The following INTS8 variants were observed in gnomAD, a reference collection of about 807,000 sequenced individuals.
The protein encoded by INTS8 is protein kaonashi-1.
In INTS8, 47 loss-of-function variants were observed where a neutral mutation model predicts 138.9. That is an observed-to-expected ratio of 0.34 (90% CI 0.27 to 0.43). INTS8 has a LOEUF of 0.43. INTS8 is among the 20% of genes least tolerant of loss of function. INTS8 has a pLI of 1.00. For missense variants in INTS8, 996 were observed against 1,173.0 expected, an observed-to-expected ratio of 0.85 and a Z score of 2.20; for synonymous variants, 392 against 400.9, an observed-to-expected ratio of 0.98 and a Z score of 0.27.
At chr8:94,863,414 A>T (rs189960358) in intron 16 of INTS8, among the ~76,000 whole-genome samples, 1 of 152,302 alleles carries the variant, frequency 6.6e-6, no homozygotes, top group East Asian at 1.9e-4. Context: ...GATTTCTCTG[A>T]TGCTTTCCCA....
intron 12 of INTS8, among the ~76,000 whole-genome samples, chr8:94,850,353 C>T (rs1207669309): frequency 6.6e-6 from 1 of 152,196 alleles, no homozygotes; most frequent in Non-Finnish European, 1.5e-5. Flanking sequence ...TGGCTCACGC[C>T]TGTAATCCCA....
chr8:94,879,539 G>C (rs1409359451), intron 26 of INTS8, among the ~76,000 whole-genome samples: 1 of 151,216 alleles, frequency 6.6e-6, no homozygotes, highest in African/African-American at 2.4e-5. Flanking sequence ...AGGCTGTAGT[G>C]AGCTGAGATC....
chr8:94,856,195 A>T (rs1815739258), intron 14 of INTS8, among the ~76,000 whole-genome samples: 1 of 152,254 alleles, frequency 6.6e-6, no homozygotes, highest in Non-Finnish European at 1.5e-5. Flanking sequence ...AGTAGATTGG[A>T]CAATTAAAAG....
At chr8:94,846,605 T>C (rs989697584) in intron 10 of INTS8, among the ~76,000 whole-genome samples, 1 of 152,196 alleles carries the variant, frequency 6.6e-6, no homozygotes, top group African/African-American at 2.4e-5. Context: ...TGCTGGCTAT[T>C]ACCTCCAGTA....
At chr8:94,832,464 T>A (rs1017533955) in intron 6 of INTS8, among the ~76,000 whole-genome samples, 1 of 152,188 alleles carries the variant, frequency 6.6e-6, no homozygotes, top group African/African-American at 2.4e-5. Flanking sequence ...AGTTCTTTCA[T>A]ATTATCAGAA....
intron 6 of INTS8, 63 bp downstream of exon 6, chr8:94,832,237 C>T (rs1814747444): frequency 8.7e-7 from 1 of 1,151,828 alleles, no homozygotes; most frequent in Admixed American, 2.2e-5. Context: ...ATGAGATCAT[C>T]CTCCTATTTT....
rs771277697 is a variant in INTS8, at chr8:94,824,907, C to G, written c.145C>G (p.Gln49Glu). 13 of 1,608,038 alleles carry G rather than the reference C, an allele frequency of 8.1e-6. No homozygotes were observed. The highest frequency in any genetic ancestry group is 1.0e-5 in the Non-Finnish European group (12 of 1,176,538). ...TTAAACCCTAGATCCTGCACCAGTT[C>G]AACTTATAGTTCAGTTTTTGGAACA... ...RKPCPDPAPVQLIVQFLEQAS... is the reference protein window; with the variant it reads ...RKPCPDPAPVELIVQFLEQAS... Residue 49 changes from glutamine to glutamate, a missense_variant, in exon 2 of 27, where the codon CAA becomes GAA. Transcript: ENST00000523731.
At chr8:94,847,229 A>G (rs1172798678) in intron 10 of INTS8, among the ~76,000 whole-genome samples, 2 of 151,978 alleles carry the variant, frequency 1.3e-5, no homozygotes, top group Admixed American at 1.3e-4. Context: ...TTTATTAGAG[A>G]CGGGGTTTTA....
At chr8:94,841,097 G>C (rs1326891632) in intron 8 of INTS8, among the ~76,000 whole-genome samples, 1 of 151,790 alleles carries the variant, frequency 6.6e-6, no homozygotes, top group Admixed American at 6.6e-5. Context: ...ATTTTTAGTA[G>C]AGACGGGATT....
intron 10 of INTS8, among the ~76,000 whole-genome samples, chr8:94,846,191 AT>A (rs890125316): frequency 6.6e-6 from 1 of 151,978 alleles, no homozygotes; most frequent in Non-Finnish European, 1.5e-5. Context: ...TTCTATTCAT[AT>A]TTTTTTCCAT....
intron 12 of INTS8, among the ~76,000 whole-genome samples, chr8:94,850,372 G>A (rs1299230514): frequency 6.6e-6 from 1 of 152,202 alleles, no homozygotes; most frequent in Non-Finnish European, 1.5e-5. Context: ...CAGCACTTTG[G>A]GAGGCCAAGA....
chr8:94,867,047 T>C, intron 18 of INTS8, 93 bp from the exon 19 acceptor site: 1 of 981,390 alleles, frequency 1.0e-6, no homozygotes. Context: ...GGCAAGGGTC[T>C]TTTAGAATGC....
chr8:94,851,815 A>G, intron 13 of INTS8, 129 bp downstream of exon 13: 1 of 609,412 alleles, frequency 1.6e-6, no homozygotes, highest in Non-Finnish European at 2.7e-6. Flanking sequence ...CCTTCATATG[A>G]ACATAATTGC....
At chr8:94,830,376 C>T (rs1814668139) in intron 5 of INTS8, among the ~76,000 whole-genome samples, 1 of 152,176 alleles carries the variant, frequency 6.6e-6, no homozygotes, top group Non-Finnish European at 1.5e-5. Context: ...AGCAAATATG[C>T]TGTAATATTT....
chr8:94,825,425 C>T (rs1372837909), intron 2 of INTS8, among the ~76,000 whole-genome samples: 1 of 134,476 alleles, frequency 7.4e-6, no homozygotes, highest in Non-Finnish European at 1.6e-5. Flanking sequence ...GAGTAAGACT[C>T]GGAAAAAAAA....
At chr8:94,831,872 C>T in intron 5 of INTS8, 120 bp from the exon 6 acceptor site, 1 of 610,642 alleles carries the variant, frequency 1.6e-6, no homozygotes, top group Non-Finnish European at 2.7e-6. Flanking sequence ...TGTACTCTTG[C>T]TGTGTTAAAA....
At chr8:94,848,737 CT>C (rs1207696735) in intron 10 of INTS8, among the ~76,000 whole-genome samples, 1 of 152,058 alleles carries the variant, frequency 6.6e-6, no homozygotes, top group Non-Finnish European at 1.5e-5. Flanking sequence ...GTTACTTATA[CT>C]TTTTGGCTAC....
At chr8:94,843,376 G>A (rs942838159) in intron 10 of INTS8, among the ~76,000 whole-genome samples, 2 of 152,120 alleles carry the variant, frequency 1.3e-5, no homozygotes, top group Non-Finnish European at 2.9e-5. Context: ...GACCAGCCTG[G>A]TAAACATAGT....
Position 94,866,207 on chromosome 8 carries a change from A to G in INTS8, c.2295+16A>G. On this transcript the variant is annotated intron_variant, in intron 18 of 26. Transcript: ENST00000523731. ...AAAATTACGAGTAAGTTTTATTAAA[A>G]ATTGCTCTAATTACTATTGCTGGTT... The G allele has an allele frequency of 7.8e-7, 1 of 1,277,580 alleles. No individual in the cohort carries two copies. Among genetic ancestry groups the G allele is most frequent in the Non-Finnish European group, 1.1e-6 (1 of 890,684 alleles). 79.1% of individuals were successfully genotyped at this position (1,277,580 alleles called of 1,614,324 possible).
Sources: gnomAD v4.1 joint callset for allele counts (sites outside exome capture counted in the v4.1 genomes callset) on GRCh38, gnomAD v4.1.1 for gene constraint, MANE v1.5 for transcripts, NCBI Gene and HGNC (gene_info 2026-07-23, HGNC 2026-07-21) for gene names.